The following SLC24A3 variants were observed in gnomAD, a reference collection of about 807,000 sequenced individuals.
The protein encoded by SLC24A3 is sodium/potassium/calcium exchanger 3.
SLC24A3 carries 28 observed loss-of-function variants against 75.8 expected under a neutral mutation model. The ratio of observed to expected loss-of-function variants is 0.37; its 90% CI spans 0.27 to 0.51. SLC24A3 has a LOEUF of 0.51. SLC24A3 is among the 20% of genes least tolerant of loss of function. The probability of loss-of-function intolerance (pLI) is 0.94; values close to 1 mark genes in which losing one functional copy is unlikely to be tolerated. For synonymous variants in SLC24A3, 372 were observed against 334.1 expected, an observed-to-expected ratio of 1.11 and a Z score of -1.24; for missense variants, 663 against 847.8, an observed-to-expected ratio of 0.78 and a Z score of 2.71.
chr20:19,356,219 C>T (rs1482375146), intron 2 of SLC24A3, among the ~76,000 whole-genome samples: 1 of 152,176 alleles, frequency 6.6e-6, no homozygotes, highest in African/African-American at 2.4e-5. Flanking sequence ...TCATCATTCA[C>T]CTAAGACATA....
chr20:19,601,139 T>A lies in SLC24A3; in HGVS notation c.612+15595T>A, dbSNP rs77787519. On this transcript the variant is annotated intron_variant, in intron 6 of 16. Coordinates refer to ENST00000328041, the MANE Select transcript of SLC24A3 (RefSeq NM_020689.4). ...TAATAGGGTTGTTGTGGTGTTGATA[T>A]ATGTTTATATATGTAAAACACCCAG... Among the ~76,000 whole-genome samples the A allele has an allele frequency of 1.1e-4, 17 of 152,352 alleles. No individual in the cohort carries two copies. In the East Asian group the frequency reaches 3.1e-3, roughly 28 times the overall value.
intron 2 of SLC24A3, among the ~76,000 whole-genome samples, chr20:19,457,187 T>G (rs777075633): frequency 6.6e-6 from 1 of 152,188 alleles, no homozygotes; most frequent in Non-Finnish European, 1.5e-5. Context: ...CCATCAACTG[T>G]GGAGTCTCAT....
At chr20:19,518,991 T>A (rs527999529) in intron 3 of SLC24A3, among the ~76,000 whole-genome samples, 107 of 152,282 alleles carry the variant, frequency 7.0e-4, no homozygotes, top group African/African-American at 2.4e-3. Context: ...AGTGATGGTC[T>A]TCTGCTGGAG....
At chr20:19,323,964 T>C (rs1442115724) in intron 2 of SLC24A3, among the ~76,000 whole-genome samples, 1 of 152,186 alleles carries the variant, frequency 6.6e-6, no homozygotes, top group Non-Finnish European at 1.5e-5. Flanking sequence ...TAGTCTGTCA[T>C]AGATAAGAAG....
chr20:19,390,108 G>GT (rs888666298), intron 2 of SLC24A3, among the ~76,000 whole-genome samples: 2 of 152,100 alleles, frequency 1.3e-5, no homozygotes, highest in African/African-American at 4.8e-5. Flanking sequence ...TACCATTTTG[G>GT]TTTTTTGTTT....
chr20:19,350,130 C>A (rs1985533832), intron 2 of SLC24A3, among the ~76,000 whole-genome samples: 1 of 152,126 alleles, frequency 6.6e-6, no homozygotes, highest in African/African-American at 2.4e-5. Context: ...TGAGAGTTAC[C>A]CACTCTGCTA....
intron 2 of SLC24A3, among the ~76,000 whole-genome samples, chr20:19,468,030 T>G (rs954509958): frequency 6.6e-6 from 1 of 151,914 alleles, no homozygotes; most frequent in Non-Finnish European, 1.5e-5. Context: ...AACATGAGGT[T>G]GGAGAAGCAT....
chr20:19,528,614 G>T (rs2030241028), intron 3 of SLC24A3, among the ~76,000 whole-genome samples: 1 of 152,132 alleles, frequency 6.6e-6, no homozygotes, highest in Non-Finnish European at 1.5e-5. Flanking sequence ...ATACCCTGCT[G>T]CTTGCCCATG....
chr20:19,379,126 C>A (rs555986303), intron 2 of SLC24A3, among the ~76,000 whole-genome samples: 1 of 152,062 alleles, frequency 6.6e-6, no homozygotes. Flanking sequence ...GAACCATGAG[C>A]GGTAAAAATG....
intron 2 of SLC24A3, among the ~76,000 whole-genome samples, chr20:19,314,012 T>C (rs1054371480): frequency 2.6e-5 from 4 of 152,210 alleles, no homozygotes; most frequent in Non-Finnish European, 5.9e-5. Context: ...AAATTCATGC[T>C]GTAAGCATCC....
intron 15 of SLC24A3, among the ~76,000 whole-genome samples, chr20:19,713,551 T>A (rs917799226): frequency 4.6e-5 from 7 of 152,108 alleles, no homozygotes; most frequent in Admixed American, 1.3e-4. Context: ...ATTCATCAGT[T>A]ACGTTTTAAG....
At chr20:19,699,351 A>G (rs8117105) in intron 15 of SLC24A3, among the ~76,000 whole-genome samples, 15,351 of 152,074 alleles carry the variant, frequency 0.1, 1,585 homozygotes, top group African/African-American at 0.25. Context: ...ATTCCAAATA[A>G]CTCTTCTAAG....
In SLC24A3 at chr20:19,698,610, T is replaced by C. The variant is rs2032838308; in HGVS notation, c.1649T>C (p.Val550Ala). 1 of 1,595,732 alleles carries C rather than the reference T, an allele frequency of 6.3e-7. No homozygotes were observed. The highest frequency in any genetic ancestry group is 1.7e-5 in the Admixed American group (1 of 58,288). ...GTGTCCAACTCCATTGGGAGCAACG[T>C]GTTTGACATCCTGATTGGCCTCGGT... ...MAVSNSIGSN[V>A]FDILIGLGLP... The change falls in exon 15 of 17, where the codon GTG (valine) becomes GCG (alanine). Residue 550 changes from valine to alanine, a missense_variant. Val to Ala is a moderately conservative substitution (Grantham distance 64, BLOSUM62 0). Transcript: ENST00000328041.
intron 1 of SLC24A3, among the ~76,000 whole-genome samples, chr20:19,239,635 A>G (rs367998029): frequency 1.3e-4 from 20 of 152,334 alleles, no homozygotes; most frequent in East Asian, 5.8e-4. Flanking sequence ...ACACGCATCA[A>G]TTGCATGTCT....
chr20:19,537,706 T>G (rs2122583474), intron 3 of SLC24A3, among the ~76,000 whole-genome samples: 1 of 152,116 alleles, frequency 6.6e-6, no homozygotes, highest in African/African-American at 2.4e-5. Flanking sequence ...CATAAAAAAA[T>G]GATGAGTTCA....
At chr20:19,352,988 T>C (rs570860155) in intron 2 of SLC24A3, among the ~76,000 whole-genome samples, 1 of 152,334 alleles carries the variant, frequency 6.6e-6, no homozygotes, top group Admixed American at 6.5e-5. Context: ...TGAGATACAC[T>C]TAGATACACA....
chr20:19,256,288 A>G (rs959658517), intron 1 of SLC24A3, among the ~76,000 whole-genome samples: 2 of 152,210 alleles, frequency 1.3e-5, no homozygotes, highest in Non-Finnish European at 2.9e-5. Context: ...AGGCAGCTCC[A>G]TAGAGACAGA....
At chr20:19,631,814 GT>G (rs2031938301) in intron 6 of SLC24A3, among the ~76,000 whole-genome samples, 5 of 151,780 alleles carry the variant, frequency 3.3e-5, no homozygotes, top group Admixed American at 2.6e-4. Context: ...GTGTGTGTGT[GT>G]GTGTGTGTAT....
intron 1 of SLC24A3, among the ~76,000 whole-genome samples, chr20:19,237,993 A>G (rs1442873934): frequency 6.6e-6 from 1 of 152,184 alleles, no homozygotes; most frequent in African/African-American, 2.4e-5. Flanking sequence ...GTGCAGAGAG[A>G]ATGTGATTCA....
Sources: gnomAD v4.1 joint callset for allele counts (sites outside exome capture counted in the v4.1 genomes callset) on GRCh38, gnomAD v4.1.1 for gene constraint, MANE v1.5 for transcripts, NCBI Gene and HGNC (gene_info 2026-07-23, HGNC 2026-07-21) for gene names.